The following CHCHD3 variants were observed in gnomAD, a reference collection of about 807,000 sequenced individuals.
The protein encoded by CHCHD3 is coiled-coil-helix-coiled-coil-helix domain containing 3.
A neutral mutation model predicts 38.2 loss-of-function variants in CHCHD3; 20 were observed. The ratio of observed to expected loss-of-function variants is 0.52; its 90% confidence interval spans 0.37 to 0.76. The LOEUF (loss-of-function observed/expected upper bound fraction) is 0.76, where lower values mean the gene tolerates loss of function less well. CHCHD3 is among the 30% of genes least tolerant of loss of function. CHCHD3 has a pLI of 0.00. For synonymous variants in CHCHD3, 82 were observed against 100.0 expected (o/e 0.82, Z 1.07); for missense variants, 245 against 279.2 (o/e 0.88, Z 0.87).
intron 5 of CHCHD3, among the ~76,000 whole-genome samples, chr7:132,859,648 A>T (rs936958230): frequency 5.9e-5 from 9 of 152,208 alleles, no homozygotes; most frequent in Admixed American, 2.0e-4. Flanking sequence ...TCCTCTAAAG[A>T]TGATGGAGAA....
chr7:132,858,736 C>T (rs1315689876), intron 5 of CHCHD3, among the ~76,000 whole-genome samples: 2 of 152,132 alleles, frequency 1.3e-5, no homozygotes, highest in Non-Finnish European at 2.9e-5. Context: ...ACTCTGAGGA[C>T]AAGAAAGGTA....
intron 5 of CHCHD3, among the ~76,000 whole-genome samples, chr7:132,861,724 T>C (rs772810788): frequency 6.6e-6 from 1 of 152,212 alleles, no homozygotes; most frequent in Non-Finnish European, 1.5e-5. Context: ...CACACATAAA[T>C]GAGCATGGCT....
At chr7:132,992,151 C>A (rs2117373083) in intron 3 of CHCHD3, among the ~76,000 whole-genome samples, 1 of 152,314 alleles carries the variant, frequency 6.6e-6, no homozygotes, top group Admixed American at 6.5e-5. Context: ...TTCCCATTTG[C>A]TTCCTATCGC....
chr7:133,041,315 CA>C (rs1023453763), intron 2 of CHCHD3, among the ~76,000 whole-genome samples: 2 of 152,166 alleles, frequency 1.3e-5, no homozygotes, highest in Non-Finnish European at 2.9e-5. Context: ...AAATAACACT[CA>C]AATTTCAAAT....
chr7:132,860,331 AGAG>A (rs1808458601), intron 5 of CHCHD3, among the ~76,000 whole-genome samples: 1 of 149,492 alleles, frequency 6.7e-6, no homozygotes, highest in African/African-American at 2.4e-5. Context: ...AGAGAGAGAG[AGAG>A]AACACAATCC....
rs545616386 is a variant in CHCHD3 at position 133,077,589 on chromosome 7, A to G, written c.81+4268T>C. Among the ~76,000 whole-genome samples the G allele has an allele frequency of 3.9e-5, 6 of 152,374 alleles. No individual in the cohort carries two copies. The East Asian group carries it at 7.7e-4, about 20-fold the overall frequency. ...ACATTTGCTCCAGAAGAGTTCACTC[A>G]CAGCTTTGATGTTTCAGATAAACTT... On this transcript the variant is annotated intron_variant, in intron 1 of 7. Transcript: ENST00000262570.
intron 3 of CHCHD3, among the ~76,000 whole-genome samples, chr7:132,977,638 C>T (rs1811804180): frequency 6.6e-6 from 1 of 152,168 alleles, no homozygotes; most frequent in African/African-American, 2.4e-5. Flanking sequence ...CTGTGCTAGG[C>T]ACTTTACAAA....
chr7:132,932,834 A>G (rs1173354774), intron 4 of CHCHD3, among the ~76,000 whole-genome samples: 1 of 152,194 alleles, frequency 6.6e-6, no homozygotes. Flanking sequence ...ATAAAATCTA[A>G]GGACCTCAAA....
chr7:132,795,051 T>A (rs1585519728), intron 7 of CHCHD3, among the ~76,000 whole-genome samples: 1 of 152,172 alleles, frequency 6.6e-6, no homozygotes, highest in Admixed American at 6.5e-5. Flanking sequence ...CAGGATGGGG[T>A]CAGCACTCCC....
rs536599802 is a variant in CHCHD3 at position 132,829,351 on chromosome 7, CA to C, written c.524+9047del. Among the ~76,000 whole-genome samples, 107 of 152,172 alleles carry C rather than the reference CA, an allele frequency of 7.0e-4. 2 individuals are homozygous for C. The highest frequency in any genetic ancestry group is 6.7e-3 in the Admixed American group (103 of 15,278). The stretch of plus-strand genomic sequence containing the variant: ...GCAGAATCTTCATTTATCTAACTAA[CA>C]GTGTGCAATTAATATTTCATATAAC... On this transcript the variant is annotated intron_variant, in intron 6 of 7. Transcript: ENST00000262570.
chr7:133,023,678 C>T (rs1361765247), intron 3 of CHCHD3, among the ~76,000 whole-genome samples: 1 of 152,068 alleles, frequency 6.6e-6, no homozygotes, highest in Non-Finnish European at 1.5e-5. Flanking sequence ...AATGTTTTCC[C>T]ATCTTTTTAT....
intron 1 of CHCHD3, among the ~76,000 whole-genome samples, chr7:133,075,030 C>CA (rs1318432055): frequency 1.3e-5 from 2 of 152,210 alleles, no homozygotes; most frequent in African/African-American, 4.8e-5. Context: ...GCAGCTATTG[C>CA]AAGCAGCAGC....
chr7:133,027,122 A>G (rs1438816343), intron 2 of CHCHD3, among the ~76,000 whole-genome samples: 1 of 151,810 alleles, frequency 6.6e-6, no homozygotes, highest in Non-Finnish European at 1.5e-5. Flanking sequence ...TATTTTTGGT[A>G]GAGACGGGAT....
chr7:133,027,905 G>A (rs1215116729), intron 2 of CHCHD3, among the ~76,000 whole-genome samples: 1 of 152,110 alleles, frequency 6.6e-6, no homozygotes, highest in Non-Finnish European at 1.5e-5. Context: ...CCAAATTTTG[G>A]ATAAATCAGT....
intron 2 of CHCHD3, chr7:133,034,900 G>C: frequency 1.2e-6 from 2 of 1,609,752 alleles, no homozygotes; most frequent in East Asian, 4.5e-5. Context: ...CCAGTGATGA[G>C]ATTGCAGCTC....
chr7:132,961,433 G>A (rs981995692), intron 4 of CHCHD3, among the ~76,000 whole-genome samples: 12 of 152,008 alleles, frequency 7.9e-5, no homozygotes, highest in Admixed American at 2.0e-4. Context: ...TTTTCCCACC[G>A]GTTCTTTATT....
intron 4 of CHCHD3, among the ~76,000 whole-genome samples, chr7:132,911,993 T>G (rs1809963631): frequency 6.6e-6 from 1 of 152,200 alleles, no homozygotes; most frequent in Middle Eastern, 3.2e-3. Context: ...TCCCTTACCT[T>G]TGCAAACACA....
intron 6 of CHCHD3, among the ~76,000 whole-genome samples, chr7:132,808,812 G>A (rs1806995176): frequency 6.6e-6 from 1 of 151,224 alleles, no homozygotes; most frequent in African/African-American, 2.4e-5. Flanking sequence ...GTATACATGT[G>A]CCATGCTGGT....
chr7:133,010,181 CT>C lies in CHCHD3; in HGVS notation c.251+14364del, dbSNP rs1436225360. 2.0e-5 allele frequency among the ~76,000 whole-genome samples: 3 copies of C among 152,278 alleles called. No homozygotes were observed. In the East Asian group the frequency reaches 5.8e-4, roughly 29 times the overall value. On this transcript the variant is annotated intron_variant, in intron 3 of 7. Transcript: ENST00000262570. Reference sequence around the variant, plus strand: ...CAAGGTACTTGCCCACTCCAAGCTACTTTTGTAAAATAAACCTGTAGAAAGC... The same window carrying C: ...CAAGGTACTTGCCCACTCCAAGCTACTTTGTAAAATAAACCTGTAGAAAGC...
Sources: gnomAD v4.1 joint callset for allele counts (sites outside exome capture counted in the v4.1 genomes callset) on GRCh38, gnomAD v4.1.1 for gene constraint, MANE v1.5 for transcripts, NCBI Gene and HGNC (gene_info 2026-07-23, HGNC 2026-07-21) for gene names.